The following KCNIP1 variants were observed in gnomAD, a reference collection of about 807,000 sequenced individuals.
The protein encoded by KCNIP1 is A-type potassium channel modulatory protein KCNIP1.
Under a neutral mutation model 33.0 loss-of-function variants are expected in KCNIP1, and 18 were observed. The observed-to-expected ratio is 0.55, with a 90% CI of 0.38 to 0.81. The LOEUF is 0.81. KCNIP1 is among the 30% of genes least tolerant of loss of function. The pLI, the probability that KCNIP1 is intolerant of heterozygous loss-of-function variation, is 0.00. For missense variants in KCNIP1, 238 were observed against 271.6 expected (o/e 0.88, Z 0.87); for synonymous variants, 93 against 98.3 (o/e 0.95, Z 0.32).
At chr5:170,700,200 A>C (rs7721804) in intron 1 of KCNIP1, among the ~76,000 whole-genome samples, 24,387 of 151,812 alleles carry the variant, frequency 0.16, 2,363 homozygotes, top group African/African-American at 0.27. Context: ...TCCCTCACTC[A>C]TCACCTGTTG....
chr5:170,490,348 G>C (rs1757180719), intron 1 of KCNIP1, among the ~76,000 whole-genome samples: 1 of 152,174 alleles, frequency 6.6e-6, no homozygotes, highest in Admixed American at 6.5e-5. Context: ...TGACGGGCTG[G>C]GGGTAGGGCA....
At chr5:170,613,106 T>C (rs1293716296) in intron 1 of KCNIP1, among the ~76,000 whole-genome samples, 1 of 152,232 alleles carries the variant, frequency 6.6e-6, no homozygotes, top group East Asian at 1.9e-4. Context: ...CCAATGCCCT[T>C]CCACCCTGTC....
intron 1 of KCNIP1, among the ~76,000 whole-genome samples, chr5:170,569,158 T>A (rs1223532054): frequency 1.3e-5 from 2 of 152,188 alleles, no homozygotes; most frequent in East Asian, 3.9e-4. Flanking sequence ...CTCAGAAAGG[T>A]AGACAGACCT....
intron 1 of KCNIP1, among the ~76,000 whole-genome samples, chr5:170,391,996 C>T (rs1754607843): frequency 6.6e-6 from 1 of 152,162 alleles, no homozygotes; most frequent in East Asian, 1.9e-4. Flanking sequence ...GGTGGAGCTT[C>T]GTAAGGGCCT....
chr5:170,633,160 G>A (rs750185073), intron 1 of KCNIP1, among the ~76,000 whole-genome samples: 2 of 152,130 alleles, frequency 1.3e-5, no homozygotes, highest in Non-Finnish European at 2.9e-5. Context: ...GGATGGAGGC[G>A]GCCAGGGGCT....
At chr5:170,638,914 C>T (rs1374224508) in intron 1 of KCNIP1, among the ~76,000 whole-genome samples, 1 of 152,196 alleles carries the variant, frequency 6.6e-6, no homozygotes, top group Non-Finnish European at 1.5e-5. Flanking sequence ...TGGGGAAGAC[C>T]CAGAGGCCCA....
At chr5:170,394,359 G>A (rs1410062934) in intron 1 of KCNIP1, among the ~76,000 whole-genome samples, 4 of 152,096 alleles carry the variant, frequency 2.6e-5, no homozygotes, top group Admixed American at 2.6e-4. Flanking sequence ...CTAACCCAAG[G>A]GTAAGCTCTC....
chr5:170,451,723 T>TTTTGTGTGTGTGTGTG (rs1756255692), intron 1 of KCNIP1, among the ~76,000 whole-genome samples: 2 of 122,902 alleles, frequency 1.6e-5, no homozygotes, highest in South Asian at 3.0e-4. Flanking sequence ...TTCTCCTGCA[T>TTTTGTGTGTGTGTGTG]TGTGTGTGTG....
intron 1 of KCNIP1, among the ~76,000 whole-genome samples, chr5:170,534,499 A>AG (rs1755900381): frequency 7.5e-6 from 1 of 134,014 alleles, no homozygotes; most frequent in Non-Finnish European, 1.5e-5. Context: ...GAGGAGGAGG[A>AG]GAAGGAGGAG....
intron 1 of KCNIP1, among the ~76,000 whole-genome samples, chr5:170,696,334 C>T (rs1264441407): frequency 6.8e-6 from 1 of 148,096 alleles, no homozygotes; most frequent in East Asian, 2.0e-4. Flanking sequence ...GATGCCTGGA[C>T]CTAAGCCTGG....
At chr5:170,522,358 G>C (rs1045193965) in intron 1 of KCNIP1, among the ~76,000 whole-genome samples, 1 of 152,176 alleles carries the variant, frequency 6.6e-6, no homozygotes, top group East Asian at 1.9e-4. Flanking sequence ...GATGAGTCTG[G>C]GTTCACCAAG....
intron 1 of KCNIP1, among the ~76,000 whole-genome samples, chr5:170,364,000 CTTT>C (rs56966570): frequency 0.029 from 3,852 of 134,960 alleles, 95 homozygotes; most frequent in African/African-American, 0.073. Flanking sequence ...AGTGTAATAT[CTTT>C]TTTTTTTTTT....
intron 1 of KCNIP1, among the ~76,000 whole-genome samples, chr5:170,538,983 C>T (rs917027958): frequency 1.3e-5 from 2 of 151,942 alleles, no homozygotes; most frequent in African/African-American, 4.8e-5. Context: ...CTTTCTATTC[C>T]TCCTTCTGGG....
chr5:170,568,943 GGACTTTAATGGAT>G (rs1238591030), intron 1 of KCNIP1, among the ~76,000 whole-genome samples: 5 of 152,068 alleles, frequency 3.3e-5, no homozygotes, highest in African/African-American at 1.2e-4. Context: ...CTCCTATTAG[GGACTTTAATGGAT>G]GACATATTGT....
intron 1 of KCNIP1, among the ~76,000 whole-genome samples, chr5:170,590,703 C>T (rs868746944): frequency 6.6e-6 from 1 of 152,224 alleles, no homozygotes; most frequent in Non-Finnish European, 1.5e-5. Flanking sequence ...GATCCCCTGC[C>T]AGACTGTATT....
At chr5:170,369,913 G>C (rs1266384913) in intron 1 of KCNIP1, among the ~76,000 whole-genome samples, 1 of 152,246 alleles carries the variant, frequency 6.6e-6, no homozygotes, top group Non-Finnish European at 1.5e-5. Flanking sequence ...GACTCTCAAG[G>C]AAGCTGGTCC....
In KCNIP1 at chr5:170,595,323, G is replaced by A. The variant is rs148927398; in HGVS notation, c.61+90690G>A. ...ACGGCTCCTTGGACCAGGGAGCTGC[G>A]TCTGAGGGGCTGTGCCCAGTTCCAT... On this transcript the variant is annotated intron_variant, in intron 1 of 7. Transcript: ENST00000328939. Among the ~76,000 whole-genome samples the A allele has an allele frequency of 5.1e-3, 780 of 152,348 alleles. 8 individuals carry two copies. Among genetic ancestry groups the A allele is most frequent in the African/African-American group, 0.017 (713 of 41,582 alleles).
Position 170,483,299 on chromosome 5 carries a change from A to G in KCNIP1, c.88+129335A>G, listed in dbSNP as rs545635569. 2.5e-5 allele frequency: 7 copies of G among 275,030 alleles called. No individual in the cohort carries two copies. The East Asian group carries it at 8.3e-4, about 33-fold the overall frequency. 17.0% of individuals were successfully genotyped at this position (275,030 alleles called of 1,614,324 possible). A position where few individuals can be genotyped will look rare whatever the true frequency, so the allele number is the denominator to read the frequency against. On this transcript the variant is annotated intron_variant, in intron 1 of 7. Coordinates refer to the KCNIP1 transcript ENST00000377360. ...AGATGAAAGCCAACATTCCCTCCCC[A>G]GGAGGAGATGCAACTCCTGCACTCT...
chr5:170,542,323 C>G (rs1261838674), intron 1 of KCNIP1, among the ~76,000 whole-genome samples: 2 of 152,154 alleles, frequency 1.3e-5, no homozygotes, highest in Non-Finnish European at 2.9e-5. Context: ...GTCATAAACT[C>G]CCCATGTGGC....
Sources: allele counts gnomAD v4.1 joint callset (sites outside exome capture counted in the v4.1 genomes callset), GRCh38; gene constraint gnomAD v4.1.1; transcripts MANE v1.5; gene names NCBI Gene and HGNC (gene_info 2026-07-23, HGNC 2026-07-21).